Variants in NFIL3 observed in about 807,000 individuals in gnomAD.
The protein encoded by NFIL3 is nuclear factor interleukin-3-regulated protein.
Under a neutral mutation model 10.0 loss-of-function variants are expected in NFIL3, and 5 were observed. That is an observed-to-expected ratio of 0.50 (90% CI 0.26 to 1.06). The LOEUF (loss-of-function observed/expected upper bound fraction) is 1.06. Among genes scored for constraint, NFIL3 ranks in the 50% least tolerant of loss-of-function variants. The pLI, the probability that NFIL3 is intolerant of heterozygous loss-of-function variation, is 0.13. For missense variants in NFIL3, 436 were observed against 547.6 expected (o/e 0.80, Z 2.03); for synonymous variants, 202 against 206.5 (o/e 0.98, Z 0.19).
the NFIL3 span, among the ~76,000 whole-genome samples, chr9:91,453,474 CA>C: frequency 6.6e-6 from 1 of 151,998 alleles, no homozygotes. Flanking sequence ...GAATTATTAA[CA>C]AAAATATTTA....
the NFIL3 span, among the ~76,000 whole-genome samples, chr9:91,455,756 A>G: frequency 1.3e-5 from 2 of 152,184 alleles, no homozygotes; most frequent in East Asian, 3.8e-4. Flanking sequence ...ACCACATTCA[A>G]GTTAACCCAT....
the NFIL3 span, among the ~76,000 whole-genome samples, chr9:91,482,123 G>A: frequency 2.0e-5 from 3 of 151,978 alleles, no homozygotes; most frequent in African/African-American, 2.4e-5. Context: ...GTTAAAATGC[G>A]CATACCCTTT....
the NFIL3 span, among the ~76,000 whole-genome samples, chr9:91,445,372 A>C: frequency 2.0e-5 from 3 of 152,216 alleles, no homozygotes; most frequent in Non-Finnish European, 4.4e-5. Flanking sequence ...GGAATGGCCC[A>C]GCTGTGGCTT....
At chr9:91,456,895 C>A in the NFIL3 span, among the ~76,000 whole-genome samples, 1 of 151,836 alleles carries the variant, frequency 6.6e-6, no homozygotes, top group African/African-American at 2.4e-5. Flanking sequence ...CATTAAATTC[C>A]TTTTTGGTTC....
the NFIL3 span, among the ~76,000 whole-genome samples, chr9:91,436,071 C>A: frequency 6.6e-6 from 1 of 152,236 alleles, no homozygotes; most frequent in Non-Finnish European, 1.5e-5. Flanking sequence ...AAGCCGGAAG[C>A]TATGCCCCAA....
chr9:91,438,698 T>A, the NFIL3 span, among the ~76,000 whole-genome samples: 62 of 152,300 alleles, frequency 4.1e-4, no homozygotes, highest in African/African-American at 1.4e-3. Flanking sequence ...TGATGTAAGA[T>A]AACAGTCCAA....
the NFIL3 span, among the ~76,000 whole-genome samples, chr9:91,468,324 A>G: frequency 6.6e-6 from 1 of 152,198 alleles, no homozygotes; most frequent in South Asian, 2.1e-4. Flanking sequence ...TTTTGGCTGC[A>G]TAAATGTCTT....
At chr9:91,480,838 A>G in the NFIL3 span, among the ~76,000 whole-genome samples, 1 of 152,354 alleles carries the variant, frequency 6.6e-6, no homozygotes, top group South Asian at 2.1e-4. Flanking sequence ...AGATTTGTAA[A>G]TATGCATATC....
At chr9:91,436,315 C>T in the NFIL3 span, among the ~76,000 whole-genome samples, 1 of 152,242 alleles carries the variant, frequency 6.6e-6, no homozygotes, top group African/African-American at 2.4e-5. Flanking sequence ...CGGTGGCTCA[C>T]GCCTGTAATC....
the NFIL3 span, among the ~76,000 whole-genome samples, chr9:91,432,474 C>T: frequency 6.6e-6 from 1 of 152,208 alleles, no homozygotes; most frequent in African/African-American, 2.4e-5. Flanking sequence ...CTTTCGGAAC[C>T]TGTCAAAGAT....
chr9:91,411,113 A>C (rs1564155329), intron 1 of NFIL3, among the ~76,000 whole-genome samples: 1 of 152,228 alleles, frequency 6.6e-6, no homozygotes, highest in Non-Finnish European at 1.5e-5. Flanking sequence ...ACAAATCCCT[A>C]ATGAGGCCTA....
chr9:91,475,994 G>T, the NFIL3 span, among the ~76,000 whole-genome samples: 3 of 152,210 alleles, frequency 2.0e-5, no homozygotes, highest in African/African-American at 7.2e-5. Flanking sequence ...TATGCCTGGT[G>T]CTCAGTGGTT....
chr9:91,475,285 T>C, the NFIL3 span, among the ~76,000 whole-genome samples: 1 of 152,242 alleles, frequency 6.6e-6, no homozygotes, highest in Admixed American at 6.5e-5. Context: ...ACCTATAATA[T>C]ACTTATGTAT....
chr9:91,412,973 G>C (rs2117967958), intron 1 of NFIL3, among the ~76,000 whole-genome samples: 1 of 152,230 alleles, frequency 6.6e-6, no homozygotes, highest in South Asian at 2.1e-4. Context: ...AAGCCTGCCA[G>C]CTTCTTTTGT....
At chr9:91,427,862 T>C (rs966148147), upstream of NFIL3, among the ~76,000 whole-genome samples, 1 of 152,062 alleles carries the variant, frequency 6.6e-6, no homozygotes. Context: ...CCCAGGCTGG[T>C]CTCAAACTCC....
At chr9:91,436,106 G>A in the NFIL3 span, among the ~76,000 whole-genome samples, 115 of 152,296 alleles carry the variant, frequency 7.6e-4, no homozygotes, top group African/African-American at 2.7e-3. Flanking sequence ...TTGATCTCCC[G>A]CAGGCACTGC....
chr9:91,462,067 C>G, the NFIL3 span, among the ~76,000 whole-genome samples: 1 of 152,054 alleles, frequency 6.6e-6, no homozygotes, highest in Non-Finnish European at 1.5e-5. Flanking sequence ...TGAGAAGGAC[C>G]AGGTGTGAAA....
chr9:91,473,622 C>T, the NFIL3 span, among the ~76,000 whole-genome samples: 1 of 152,218 alleles, frequency 6.6e-6, no homozygotes, highest in African/African-American at 2.4e-5. Flanking sequence ...TCACAGCTTC[C>T]CTTGGCTAGG....
At chr9:91,446,542 C>T in the NFIL3 span, among the ~76,000 whole-genome samples, 1,209 of 152,270 alleles carry the variant, frequency 7.9e-3, 20 homozygotes, top group African/African-American at 0.028. Context: ...ATGGTACAAC[C>T]ATCATCACTA....
Sources: allele counts gnomAD v4.1 joint callset (sites outside exome capture counted in the v4.1 genomes callset), GRCh38; gene constraint gnomAD v4.1.1; transcripts MANE v1.5; gene names NCBI Gene and HGNC (gene_info 2026-07-23, HGNC 2026-07-21).